The following FHIT variants were observed in gnomAD, a reference collection of about 807,000 sequenced individuals.
The protein encoded by FHIT is fragile histidine triad diadenosine triphosphatase.
Under a neutral mutation model 17.9 loss-of-function variants are expected in FHIT, and 19 were observed. That is an observed-to-expected ratio of 1.06 (90% CI 0.74 to 1.56). The LOEUF (loss-of-function observed/expected upper bound fraction) is 1.56, where lower values mean the gene tolerates loss of function less well. FHIT is among the 40% of genes most tolerant of loss of function. FHIT has a pLI of 0.00. For synonymous variants in FHIT, 81 were observed against 69.7 expected, an observed-to-expected ratio of 1.16 and a Z score of -0.81; for missense variants, 248 against 189.2, an observed-to-expected ratio of 1.31 and a Z score of -1.82.
intron 5 of FHIT, among the ~76,000 whole-genome samples, chr3:60,457,118 G>A (rs997790028): frequency 3.3e-5 from 5 of 152,114 alleles, no homozygotes; most frequent in Admixed American, 2.0e-4. Flanking sequence ...AGCCCGTATT[G>A]CCAAGTCAAT....
intron 5 of FHIT, among the ~76,000 whole-genome samples, chr3:60,227,066 C>T (rs1392359841): frequency 6.6e-6 from 1 of 152,094 alleles, no homozygotes; most frequent in Non-Finnish European, 1.5e-5. Flanking sequence ...AAATTCTCCC[C>T]ATTTGTATAA....
chr3:59,850,198 C>CTGCT (rs1380663120), intron 8 of FHIT, among the ~76,000 whole-genome samples: 1 of 152,140 alleles, frequency 6.6e-6, no homozygotes, highest in East Asian at 1.9e-4. Context: ...AGTAAAGATG[C>CTGCT]TGGATTTAAA....
intron 4 of FHIT, among the ~76,000 whole-genome samples, chr3:60,570,028 A>T (rs2037320104): frequency 6.6e-6 from 1 of 151,994 alleles, no homozygotes; most frequent in South Asian, 2.1e-4. Context: ...CTGCCTAGGG[A>T]TCTTTAAAAA....
chr3:59,824,582 G>A (rs1365179911), intron 8 of FHIT, among the ~76,000 whole-genome samples: 2 of 152,130 alleles, frequency 1.3e-5, no homozygotes, highest in Non-Finnish European at 2.9e-5. Context: ...AAATAAATTG[G>A]GGGAATTTCA....
chr3:60,744,909 C>T lies in FHIT; in HGVS notation c.-18+77010G>A, dbSNP rs568833771. On this transcript the variant is annotated intron_variant, in intron 4 of 9. Coordinates refer to ENST00000492590, the MANE Select transcript of FHIT (RefSeq NM_002012.4). ...AAGCACCAAGCATTGTGCTGAGTGA[C>T]GGGGATATCAAGGTGAGTCAAAACA... 2.6e-5 allele frequency among the ~76,000 whole-genome samples: 4 copies of T among 152,084 alleles called. No individual in the cohort carries two copies. In the South Asian group the frequency reaches 6.2e-4, roughly 24 times the overall value.
chr3:60,070,798 C>T (rs2630194), intron 5 of FHIT, among the ~76,000 whole-genome samples: 50,928 of 152,042 alleles, frequency 0.33, 9,838 homozygotes, highest in African/African-American at 0.53. Flanking sequence ...TTATTCTGTA[C>T]GCCTTTTAGG....
At position 61,070,890 on chromosome 3, in the gene FHIT, C is replaced by T. The variant is rs77662295; in HGVS notation, c.-163-28791G>A. 8.0e-3 allele frequency among the ~76,000 whole-genome samples: 1,222 copies of T among 152,286 alleles called. 20 individuals carry two copies. The highest frequency in any genetic ancestry group is 0.027 in the African/African-American group (1,121 of 41,558). ...TGAATTATTGGCATATTCAGACAGTCTCATACCACCTCTCGTCCTCTCCAT... is the reference window on the plus strand; with the variant it reads ...TGAATTATTGGCATATTCAGACAGTTTCATACCACCTCTCGTCCTCTCCAT... On this transcript the variant is annotated intron_variant, in intron 2 of 9. Transcript: ENST00000492590.
At position 60,309,843 on chromosome 3, in the gene FHIT, C is replaced by A. The variant is rs114445603; in HGVS notation, c.103+227017G>T. 8.8e-3 allele frequency among the ~76,000 whole-genome samples: 1,347 copies of A among 152,244 alleles called. 19 individuals carry two copies. The highest frequency in any genetic ancestry group is 0.05 in the South Asian group (243 of 4,820). The stretch of plus-strand genomic sequence containing the variant: ...ACTTCCTCTATCAGCTCAAGTCGCT[C>A]CCACAGCCACAATGGTCTCTGGGTT... On this transcript the variant is annotated intron_variant, in intron 5 of 9. Transcript: ENST00000492590.
chr3:59,987,076 A>G lies in FHIT; in HGVS notation c.279+24295T>C, dbSNP rs887092832. ...ATATAAAATATATCTATATATATCTATATTATATATAGATATGAAGATATA... is the reference window on the plus strand; with the variant it reads ...ATATAAAATATATCTATATATATCTGTATTATATATAGATATGAAGATATA... On this transcript the variant is annotated intron_variant, in intron 7 of 9. Coordinates refer to ENST00000492590, the MANE Select transcript of FHIT (RefSeq NM_002012.4). Among the ~76,000 whole-genome samples the G allele has an allele frequency of 5.5e-4, 75 of 136,750 alleles. No homozygotes were observed. In the East Asian group the frequency reaches 0.014, roughly 25 times the overall value. 89.7% of individuals were successfully genotyped at this position (136,750 alleles called of 152,430 possible).
At chr3:60,282,821 G>C (rs1157133116) in intron 5 of FHIT, among the ~76,000 whole-genome samples, 2 of 152,018 alleles carry the variant, frequency 1.3e-5, no homozygotes, top group African/African-American at 4.8e-5. Flanking sequence ...ACATACCTAG[G>C]ATGATCTCTA....
At chr3:60,064,473 G>C (rs1488182211) in intron 5 of FHIT, among the ~76,000 whole-genome samples, 1 of 152,136 alleles carries the variant, frequency 6.6e-6, no homozygotes, top group Non-Finnish European at 1.5e-5. Context: ...CCATGCTACA[G>C]ACAGTACTTC....
intron 3 of FHIT, among the ~76,000 whole-genome samples, chr3:60,835,225 A>T (rs1423052877): frequency 1.4e-5 from 2 of 143,026 alleles, no homozygotes; most frequent in African/African-American, 2.6e-5. Flanking sequence ...TTGTTTCTGT[A>T]TAAATTTTAG....
intron 3 of FHIT, 75 bp downstream of exon 3, chr3:61,041,972 C>G (rs549693896): frequency 2.6e-5 from 4 of 152,148 alleles, no homozygotes; most frequent in African/African-American, 9.7e-5. Flanking sequence ...TGAACAGACC[C>G]GCTTGTGTGG....
chr3:60,611,464 T>C (rs559258994), intron 4 of FHIT, among the ~76,000 whole-genome samples: 2 of 152,216 alleles, frequency 1.3e-5, no homozygotes, highest in South Asian at 2.1e-4. Context: ...TTTTCACTCA[T>C]GCAAAAATTC....
chr3:60,242,616 T>C (rs946594481), intron 5 of FHIT, among the ~76,000 whole-genome samples: 1 of 151,984 alleles, frequency 6.6e-6, no homozygotes, highest in African/African-American at 2.4e-5. Context: ...CTCCAATACC[T>C]CTTCACCTCT....
In FHIT at chr3:60,690,712, T is replaced by C. The variant is rs150517614; in HGVS notation, c.-18+131207A>G. On this transcript the variant is annotated intron_variant, in intron 4 of 9. Coordinates refer to ENST00000492590, the MANE Select transcript of FHIT (RefSeq NM_002012.4). ...AGCAATGTCGAAGAAAACAGTGGGG[T>C]TGACCATAGCTGGTAATACGGGGCT... 1.4e-4 allele frequency: 61 copies of C among 441,430 alleles called. 1 individual carries two copies. The Middle Eastern group carries it at 1.9e-3, about 13-fold the overall frequency. 27.3% of individuals were successfully genotyped at this position (441,430 alleles called of 1,614,324 possible).
intron 7 of FHIT, among the ~76,000 whole-genome samples, chr3:59,969,864 T>C (rs905265075): frequency 5.9e-5 from 9 of 152,120 alleles, no homozygotes; most frequent in Admixed American, 2.0e-4. Context: ...TTGTCTATAA[T>C]AAGTCCAAGG....
At chr3:61,209,623 G>T (rs543171153) in intron 1 of FHIT, among the ~76,000 whole-genome samples, 1 of 152,022 alleles carries the variant, frequency 6.6e-6, no homozygotes, top group Non-Finnish European at 1.5e-5. Flanking sequence ...AGGCTTGTGC[G>T]TTCGTCACGT....
intron 7 of FHIT, among the ~76,000 whole-genome samples, chr3:59,964,932 A>G (rs1707852826): frequency 6.6e-6 from 1 of 152,176 alleles, no homozygotes; most frequent in Non-Finnish European, 1.5e-5. Flanking sequence ...GAAGGAAAAT[A>G]TTCAATACCA....
Sources: allele counts gnomAD v4.1 joint callset (sites outside exome capture counted in the v4.1 genomes callset), GRCh38; gene constraint gnomAD v4.1.1; transcripts MANE v1.5; gene names NCBI Gene and HGNC (gene_info 2026-07-23, HGNC 2026-07-21).